PLEKHA7: variants seen among roughly 807,000 people sequenced by gnomAD.
PLEKHA7 encodes pleckstrin homology domain-containing family A member 7.
Under a neutral mutation model 170.0 loss-of-function variants are expected in PLEKHA7, and 104 were observed. The ratio of observed to expected loss-of-function variants is 0.61; its 90% CI spans 0.52 to 0.72. The LOEUF (loss-of-function observed/expected upper bound fraction) is 0.72, where lower values mean the gene tolerates loss of function less well. Ranked by LOEUF, PLEKHA7 falls within the 30% of genes least tolerant of loss-of-function variation. PLEKHA7 has a pLI of 0.00. For missense variants in PLEKHA7, 1,615 were observed against 1,671.7 expected, an observed-to-expected ratio of 0.97 and a Z score of 0.59; for synonymous variants, 648 against 660.8, an observed-to-expected ratio of 0.98 and a Z score of 0.30.
At chr11:16,900,358 G>C (rs1321534308) in intron 3 of PLEKHA7, among the ~76,000 whole-genome samples, 4 of 152,170 alleles carry the variant, frequency 2.6e-5, no homozygotes. Context: ...CTTAGCTCAG[G>C]TGGAAAGGAA....
intron 3 of PLEKHA7, among the ~76,000 whole-genome samples, chr11:16,917,412 T>C (rs1858767849): frequency 6.6e-6 from 1 of 152,126 alleles, no homozygotes; most frequent in Non-Finnish European, 1.5e-5. Flanking sequence ...CATCCTAAGG[T>C]TTCGGAGGTC....
chr11:16,958,496 T>C (rs1590719527), intron 3 of PLEKHA7, among the ~76,000 whole-genome samples: 2 of 152,176 alleles, frequency 1.3e-5, no homozygotes, highest in South Asian at 4.1e-4. Context: ...ACTGGCAGCG[T>C]AGACATGCAA....
intron 3 of PLEKHA7, among the ~76,000 whole-genome samples, chr11:16,912,142 G>A (rs919746179): frequency 3.3e-5 from 5 of 152,190 alleles, no homozygotes; most frequent in African/African-American, 1.2e-4. Context: ...TGCTGATAGG[G>A]TATGGCAGAC....
At position 16,791,553 on chromosome 11, in the gene PLEKHA7, G is replaced by A. The variant is rs1228337483; in HGVS notation, c.2746-354C>T. 2 of 495,188 alleles carry A rather than the reference G, an allele frequency of 4.0e-6. No homozygotes were observed. The highest frequency in any genetic ancestry group is 1.9e-5 in the African/African-American group (1 of 51,764). The allele number at this position is 495,188 out of a possible 1,614,324, so 30.7% of individuals were successfully genotyped here. A position where few individuals can be genotyped will look rare whatever the true frequency, so the allele number is the denominator to read the frequency against. ...ACATCGCAGGCAGGCTGCTAACCCTGCCCTGACTTCCATGCTTATCACAGC... is the reference window on the plus strand; with the variant it reads ...ACATCGCAGGCAGGCTGCTAACCCTACCCTGACTTCCATGCTTATCACAGC... On this transcript the variant is annotated intron_variant, in intron 19 of 26. Transcript: ENST00000531066. The surrounding 1 kb of genome is among the most constrained non-coding windows in gnomAD (Gnocchi z 4.5).
chr11:16,867,211 G>A (rs956113192), intron 4 of PLEKHA7, among the ~76,000 whole-genome samples: 3 of 152,184 alleles, frequency 2.0e-5, no homozygotes, highest in Non-Finnish European at 2.9e-5. Flanking sequence ...AGAATCAACT[G>A]GAAGGCTTGT....
chr11:16,880,841 A>G (rs1016586977), intron 3 of PLEKHA7, among the ~76,000 whole-genome samples: 1 of 152,140 alleles, frequency 6.6e-6, no homozygotes, highest in African/African-American at 2.4e-5. Context: ...AGTTTCCCCA[A>G]CTGTAAAATG....
chr11:16,864,289 T>C (rs117238709), intron 4 of PLEKHA7, among the ~76,000 whole-genome samples: 289 of 152,286 alleles, frequency 1.9e-3, no homozygotes, highest in Non-Finnish European at 2.0e-3. Flanking sequence ...GAAAATTAAA[T>C]ATATGTAAAG....
Position 16,975,037 on chromosome 11 carries a change from G to A in PLEKHA7, c.221+38952C>T, listed in dbSNP as rs1862970436. Reference sequence around the variant, plus strand: ...ATGCTTGCGTGAGCGCTATCGGCGCGGAAAGAAGCCAGGTTTTTATATATA... The same window carrying A: ...ATGCTTGCGTGAGCGCTATCGGCGCAGAAAGAAGCCAGGTTTTTATATATA... On this transcript the variant is annotated intron_variant, in intron 3 of 26. Transcript: ENST00000531066. The A allele has an allele frequency of 5.6e-6, 4 of 713,362 alleles. 1 individual carries two copies. The East Asian group carries it at 3.3e-4, about 59-fold the overall frequency. The allele number at this position is 713,362 out of a possible 1,614,324, so 44.2% of individuals were successfully genotyped here.
chr11:16,806,880 C>T (rs906190183), intron 13 of PLEKHA7, among the ~76,000 whole-genome samples: 3 of 152,240 alleles, frequency 2.0e-5, no homozygotes, highest in South Asian at 2.1e-4. Flanking sequence ...GGAAACACAA[C>T]ACAAGCTGGT....
chr11:16,828,311 T>G (rs428933), intron 9 of PLEKHA7, among the ~76,000 whole-genome samples: 24,527 of 152,148 alleles, frequency 0.16, 2,405 homozygotes, highest in African/African-American at 0.27. Flanking sequence ...TTTAGAAGCG[T>G]CTTTTCTCTT....
intron 3 of PLEKHA7, among the ~76,000 whole-genome samples, chr11:17,006,436 G>T (rs553176210): frequency 6.6e-6 from 1 of 150,688 alleles, no homozygotes; most frequent in South Asian, 2.1e-4. Flanking sequence ...AGGCCAGCTT[G>T]GCTAACATGG....
chr11:16,847,377 C>T (rs1460063469), intron 8 of PLEKHA7, among the ~76,000 whole-genome samples: 2 of 152,068 alleles, frequency 1.3e-5, no homozygotes, highest in African/African-American at 2.4e-5. Flanking sequence ...CTGGCTTGAG[C>T]CACCACGCCC....
At chr11:16,787,430 A>G (rs1849474327) in intron 23 of PLEKHA7, 2 of 154,270 alleles carry the variant, frequency 1.3e-5, no homozygotes, top group South Asian at 2.1e-4. Context: ...CAATGTAATC[A>G]CTCTTAGGTG....
rs755067711 is a variant in PLEKHA7, at chr11:16,817,143, G to T, written c.1523C>A (p.Ser508Ter). 1 of 1,614,178 alleles carries T rather than the reference G, an allele frequency of 6.2e-7. No homozygotes were observed. Among genetic ancestry groups the T allele is most frequent in the Admixed American group, 1.7e-5 (1 of 60,026 alleles). The change falls in exon 11 of 27, where the codon TCG becomes TAG. Residue 508 changes from serine (S) to a stop codon, truncating the protein, a stop_gained. Transcript: ENST00000531066. LOFTEE classifies it high-confidence loss of function. This position sits in a 1 kb window ranked among gnomAD's most constrained non-coding sequence, Gnocchi z 4.4. Reference sequence around the variant, plus strand: ...CCGGTGCGCCCGGCGCTCTTCACTCGACATCTTCAGGTGGCTGGCTCGGTC... The same window carrying T: ...CCGGTGCGCCCGGCGCTCTTCACTCTACATCTTCAGGTGGCTGGCTCGGTC... ...AQDRASHLKM[S>*]SEERRAHRDG...
At chr11:16,803,861 G>A (rs929411660) in intron 13 of PLEKHA7, among the ~76,000 whole-genome samples, 1 of 152,198 alleles carries the variant, frequency 6.6e-6, no homozygotes, top group African/African-American at 2.4e-5. Context: ...AAGGTAAAAA[G>A]GAACCTGGCT....
At chr11:16,885,113 G>A (rs1317458537) in intron 3 of PLEKHA7, among the ~76,000 whole-genome samples, 1 of 152,180 alleles carries the variant, frequency 6.6e-6, no homozygotes, top group Non-Finnish European at 1.5e-5. Context: ...GGCCATGGCA[G>A]GTGGATCATT....
Position 16,791,353 on chromosome 11 carries a change from C to T in PLEKHA7, c.2746-154G>A. The T allele has an allele frequency of 7.3e-6, 5 of 689,152 alleles. No homozygotes were observed. The South Asian group carries it at 7.6e-5, about 11-fold the overall frequency. The allele number at this position is 689,152 out of a possible 1,614,324, so 42.7% of individuals were successfully genotyped here. On this transcript the variant is annotated intron_variant, in intron 19 of 26. Transcript: ENST00000531066. The surrounding 1 kb of genome is among the most constrained non-coding windows in gnomAD (Gnocchi z 4.5). ...CAGCCAAGGAGCACTCACACTTCCCCTGGCGGAGCAGTGAAGAAGGGACAT... is the reference window on the plus strand; with the variant it reads ...CAGCCAAGGAGCACTCACACTTCCCTTGGCGGAGCAGTGAAGAAGGGACAT...
At chr11:16,893,619 G>A (rs994625698) in intron 3 of PLEKHA7, among the ~76,000 whole-genome samples, 1 of 152,144 alleles carries the variant, frequency 6.6e-6, no homozygotes, top group Non-Finnish European at 1.5e-5. Context: ...ATTGCCTTGA[G>A]GTCAGAGCAG....
chr11:16,779,307 T>C (rs1296889453), intron 26 of PLEKHA7, among the ~76,000 whole-genome samples: 2 of 152,340 alleles, frequency 1.3e-5, no homozygotes, highest in Non-Finnish European at 2.9e-5. Context: ...CTGCCCTTCA[T>C]TCTTTCAATG....
Sources: gnomAD v4.1 joint callset for allele counts (sites outside exome capture counted in the v4.1 genomes callset) on GRCh38, gnomAD v4.1.1 for gene constraint, Gnocchi (gnomAD v3.1) non-coding constraint, MANE v1.5 for transcripts, NCBI Gene and HGNC (gene_info 2026-07-23, HGNC 2026-07-21) for gene names.